CSNK1D: variants seen among roughly 807,000 people sequenced by gnomAD.
The protein encoded by CSNK1D is casein kinase I isoform delta.
A neutral mutation model predicts 46.6 loss-of-function variants in CSNK1D; 16 were observed. That is an observed-to-expected ratio of 0.34 (90% CI 0.23 to 0.52). The LOEUF (loss-of-function observed/expected upper bound fraction) is 0.52, where lower values mean the gene tolerates loss of function less well. Among genes scored for constraint, CSNK1D ranks in the 20% least tolerant of loss-of-function variants. The pLI is 0.95. For missense variants in CSNK1D, 398 were observed against 578.4 expected (o/e 0.69, Z 3.20); for synonymous variants, 276 against 228.2 (o/e 1.21, Z -1.89).
rs1208782923 is a variant in CSNK1D at position 82,255,809 on chromosome 17, C to T, written c.188-232G>A. ...TGGATGAGGGCCAAGCAGACAGGAGCTGTAAGGGGGACAAGGAGGGGATCG... is the reference window on the plus strand; with the variant it reads ...TGGATGAGGGCCAAGCAGACAGGAGTTGTAAGGGGGACAAGGAGGGGATCG... On this transcript the variant is annotated intron_variant, in intron 2 of 8. Coordinates refer to ENST00000314028, the MANE Select transcript of CSNK1D (RefSeq NM_001893.6). This position sits in a 1 kb window ranked among gnomAD's most constrained non-coding sequence, Gnocchi z 5.9. 6.6e-6 allele frequency among the ~76,000 whole-genome samples: 1 copy of T among 152,204 alleles called. No individual in the cohort carries two copies. Among genetic ancestry groups the T allele is most frequent in the Non-Finnish European group, 1.5e-5 (1 of 68,038 alleles).
chr17:82,262,249 C>T (rs1227352523), intron 2 of CSNK1D, among the ~76,000 whole-genome samples: 1 of 152,254 alleles, frequency 6.6e-6, no homozygotes, highest in Non-Finnish European at 1.5e-5. Context: ...CCATTTCCTT[C>T]TCTGGGAGCA....
intron 2 of CSNK1D, among the ~76,000 whole-genome samples, chr17:82,263,621 C>T (rs1046053765): frequency 6.6e-6 from 1 of 152,240 alleles, no homozygotes; most frequent in Non-Finnish European, 1.5e-5. Context: ...GTTGGCTTCC[C>T]CAGTGACCAT....
rs1252402549 is a variant in CSNK1D, at chr17:82,244,601, G to A, written c.*180C>T. The stretch of plus-strand genomic sequence containing the variant: ...CCGCAGTGCAGCCCCAGCGGTGGCA[G>A]CTCTTGGAGTCTGTCCGTTTAGTAT... On this transcript the variant is annotated 3_prime_UTR_variant, in exon 9 of 9. Transcript: ENST00000314028. The A allele has an allele frequency of 6.6e-6, 10 of 1,519,836 alleles. No individual in the cohort carries two copies. The highest frequency in any genetic ancestry group is 8.8e-6 in the Non-Finnish European group (10 of 1,135,868). 94.1% of individuals were successfully genotyped at this position (1,519,836 alleles called of 1,614,324 possible).
rs2050905641 is a variant in CSNK1D at position 82,248,419 on chromosome 17, C to T, written c.1197+456G>A. On this transcript the variant is annotated intron_variant, in intron 8 of 8. Transcript: ENST00000314028. This position sits in a 1 kb window ranked among gnomAD's most constrained non-coding sequence, Gnocchi z 4.1. ...AAAGCCTCGTTGCAGGGCATGCCAC[C>T]AGGGAGGGTCTCACAAGAAGCCCGT... is the stretch of plus-strand genomic sequence containing the variant. The T allele has an allele frequency of 9.8e-7, 1 of 1,016,602 alleles. No individual in the cohort carries two copies. Among genetic ancestry groups the T allele is most frequent in the African/African-American group, 1.7e-5 (1 of 57,800 alleles). 63.0% of individuals were successfully genotyped at this position (1,016,602 alleles called of 1,614,324 possible).
At chr17:82,265,381 G>A (rs1262874881) in intron 2 of CSNK1D, 8 of 386,042 alleles carry the variant, frequency 2.1e-5, no homozygotes, top group East Asian at 1.2e-4. Flanking sequence ...GTTTCACTAC[G>A]TTGGCCAGGC....
downstream of CSNK1D, among the ~76,000 whole-genome samples, chr17:82,241,648 C>G (rs1033907110): frequency 6.6e-6 from 1 of 152,184 alleles, no homozygotes; most frequent in Non-Finnish European, 1.5e-5. Context: ...GCCTCACCCA[C>G]GGCCACAGTG....
At chr17:82,241,803 T>G (rs1443612443), downstream of CSNK1D, among the ~76,000 whole-genome samples, 1 of 152,114 alleles carries the variant, frequency 6.6e-6, no homozygotes, top group Non-Finnish European at 1.5e-5. Context: ...AGGCAAAGTC[T>G]GGGCAGGAGG....
At chr17:82,245,269 G>A (rs1356218266) in intron 8 of CSNK1D, 3 of 313,104 alleles carry the variant, frequency 9.6e-6, no homozygotes, top group South Asian at 5.9e-5. Flanking sequence ...CGACAGAAGC[G>A]CAAGCCCCTG....
Position 82,249,045 on chromosome 17 carries a change from GC to G in CSNK1D, c.1058-32del. Reference sequence around the variant, plus strand: ...GACAGGGAGAGAAACGGAGTGGGCCGCCCCCGTCTGCTGCCTCTCACTCGGG... The same window carrying G: ...GACAGGGAGAGAAACGGAGTGGGCCGCCCCGTCTGCTGCCTCTCACTCGGG... On this transcript the variant is annotated intron_variant, in intron 7 of 8. Coordinates refer to ENST00000314028, the MANE Select transcript of CSNK1D (RefSeq NM_001893.6). This position sits in a 1 kb window ranked among gnomAD's most constrained non-coding sequence, Gnocchi z 6.7. The G allele has an allele frequency of 6.5e-7, 1 of 1,546,286 alleles. No homozygotes were observed.
At chr17:82,269,026 G>A (rs2051549417) in intron 1 of CSNK1D, among the ~76,000 whole-genome samples, 1 of 150,996 alleles carries the variant, frequency 6.6e-6, no homozygotes, top group South Asian at 2.1e-4. Flanking sequence ...GAACCCAGAA[G>A]GCAGGGGTTG....
In CSNK1D at chr17:82,248,096, C is replaced by T. The variant is rs921042543; in HGVS notation, c.1197+779G>A. On this transcript the variant is annotated intron_variant, in intron 8 of 8. Coordinates refer to ENST00000314028, the MANE Select transcript of CSNK1D (RefSeq NM_001893.6). The surrounding 1 kb of genome is among the most constrained non-coding windows in gnomAD (Gnocchi z 4.1). ...TGAGTTCCTGCTCATCCGGAAGACC[C>T]GTGGGGGATCTGGGCACCCCCCAGG... 26 of 985,392 alleles carry T rather than the reference C, an allele frequency of 2.6e-5. No individual in the cohort carries two copies. Among genetic ancestry groups the T allele is most frequent in the African/African-American group, 1.7e-4 (10 of 57,252 alleles). The allele number at this position is 985,392 out of a possible 1,614,324, so 61.0% of individuals were successfully genotyped here. A position where few individuals can be genotyped will look rare whatever the true frequency, so the allele number is the denominator to read the frequency against.
chr17:82,244,581 G>C lies in CSNK1D; in HGVS notation c.*200C>G, dbSNP rs1334711220. 1.5e-5 allele frequency: 22 copies of C among 1,506,260 alleles called. No individual in the cohort carries two copies. Among genetic ancestry groups the C allele is most frequent in the Non-Finnish European group, 1.9e-5 (22 of 1,128,634 alleles). The allele number at this position is 1,506,260 out of a possible 1,614,324, so 93.3% of individuals were successfully genotyped here. A position where few individuals can be genotyped will look rare whatever the true frequency, so the allele number is the denominator to read the frequency against. ...AACCGAGTTCACGTGGGGGGCCGCA[G>C]TGCAGCCCCAGCGGTGGCAGCTCTT... On this transcript the variant is annotated 3_prime_UTR_variant, in exon 9 of 9. Transcript: ENST00000314028.
rs576636643 is a variant in CSNK1D at position 82,265,853 on chromosome 17, A to G, written c.77-57T>C. 2.2e-6 allele frequency: 3 copies of G among 1,357,146 alleles called. No individual in the cohort carries two copies. The East Asian group carries it at 6.9e-5, about 31-fold the overall frequency. 84.1% of individuals were successfully genotyped at this position (1,357,146 alleles called of 1,614,324 possible). Reference sequence around the variant, plus strand: ...TACCTGGTATCCACCAAATAACCCAACATGCTGGAGAAACAACAAGCACTA... The same window carrying G: ...TACCTGGTATCCACCAAATAACCCAGCATGCTGGAGAAACAACAAGCACTA... On this transcript the variant is annotated intron_variant, in intron 1 of 8. Coordinates refer to ENST00000314028, the MANE Select transcript of CSNK1D (RefSeq NM_001893.6).
downstream of CSNK1D, among the ~76,000 whole-genome samples, chr17:82,242,179 C>T (rs189762190): frequency 3.5e-5 from 5 of 144,844 alleles, no homozygotes; most frequent in Non-Finnish European, 7.5e-5. Context: ...ACAGCCCCCG[C>T]AGGCCTTGGA....
downstream of CSNK1D, chr17:82,239,616 G>A (rs567878426): frequency 1.6e-5 from 4 of 242,890 alleles, no homozygotes; most frequent in African/African-American, 6.7e-5. Context: ...TTCGTAGCAG[G>A]GGCAGGCGCT....
Position 82,248,718 on chromosome 17 carries a change from C to G in CSNK1D, c.1197+157G>C, listed in dbSNP as rs754544727. On this transcript the variant is annotated intron_variant, in intron 8 of 8. Transcript: ENST00000314028. The surrounding 1 kb of genome is among the most constrained non-coding windows in gnomAD (Gnocchi z 4.1). ...TGTCTCCCAGGCCCTCCCGAGAAGC[C>G]TCATCTGCAACCAAGACGCCACACC... 2.4e-5 allele frequency: 35 copies of G among 1,465,304 alleles called. No homozygotes were observed. The South Asian group carries it at 4.3e-4, about 18-fold the overall frequency. 90.8% of individuals were successfully genotyped at this position (1,465,304 alleles called of 1,614,324 possible). A position where few individuals can be genotyped will look rare whatever the true frequency, so the allele number is the denominator to read the frequency against.
At chr17:82,264,148 C>T (rs937666679) in intron 2 of CSNK1D, among the ~76,000 whole-genome samples, 7 of 152,232 alleles carry the variant, frequency 4.6e-5, no homozygotes, top group African/African-American at 1.4e-4. Flanking sequence ...CTCCCTTTCC[C>T]GTGACAAAAG....
chr17:82,247,837 A>AG (rs2050890236), intron 8 of CSNK1D: 1 of 985,340 alleles, frequency 1.0e-6, no homozygotes, highest in Non-Finnish European at 1.2e-6. Context: ...CTCTTTGGGA[A>AG]GAAGTTATAC....
At position 82,248,902 on chromosome 17, in the gene CSNK1D, T is replaced by C. The variant is rs767416021; in HGVS notation, c.1170A>G (p.Gln390=). 6.7e-5 allele frequency: 108 copies of C among 1,610,420 alleles called. No homozygotes were observed. The highest frequency in any genetic ancestry group is 8.8e-5 in the Non-Finnish European group (104 of 1,178,260). Residue 390 remains glutamine (Q), a synonymous_variant, in exon 8 of 9, where the codon CAA becomes CAG. Transcript: ENST00000314028. The surrounding 1 kb of genome is among the most constrained non-coding windows in gnomAD (Gnocchi z 4.1). Reference sequence around the variant, plus strand: ...GTGAGGTGGACATGCGAGAGGTATCTTGTCGGCCTGTGAGGTCGGACGAGG... The same window carrying C: ...GTGAGGTGGACATGCGAGAGGTATCCTGTCGGCCTGTGAGGTCGGACGAGG... ...NISSSDLTGR[Q]DTSRMSTSQI... is the part of the protein sequence containing the mutation.
Sources: allele counts gnomAD v4.1 joint callset (sites outside exome capture counted in the v4.1 genomes callset), GRCh38; gene constraint gnomAD v4.1.1; non-coding constraint Gnocchi (gnomAD v3.1); transcripts MANE v1.5; gene names NCBI Gene and HGNC (gene_info 2026-07-23, HGNC 2026-07-21).